FAM53A: variants seen among roughly 807,000 people sequenced by gnomAD.
FAM53A encodes protein FAM53A.
A neutral mutation model predicts 26.6 loss-of-function variants in FAM53A; 28 were observed. The observed-to-expected ratio is 1.05, with a 90% CI of 0.78 to 1.45. The LOEUF (loss-of-function observed/expected upper bound fraction) is 1.45, where lower values mean the gene tolerates loss of function less well. Ranked by LOEUF, FAM53A falls within the 40% of genes most tolerant of loss-of-function variation. The probability of loss-of-function intolerance (pLI) is 0.00; values close to 1 mark genes in which losing one functional copy is unlikely to be tolerated. For synonymous variants in FAM53A, 290 were observed against 253.1 expected (o/e 1.15, Z -1.38); for missense variants, 650 against 575.8 (o/e 1.13, Z -1.32).
At chr4:1,622,411 C>T (rs1715082517) in intron 1 of FAM53A, among the ~76,000 whole-genome samples, 1 of 152,238 alleles carries the variant, frequency 6.6e-6, no homozygotes, top group South Asian at 2.1e-4. Flanking sequence ...CTTTGTGGCC[C>T]CTCAGGCTTC....
At chr4:1,618,006 A>G (rs2108735935) in exon 2 of FAM53A, 1 of 456,320 alleles carries the variant, frequency 2.2e-6, no homozygotes, top group South Asian at 1.5e-5. Context: ...TGCTTGGCAT[A>G]GAGCCGACCA....
intron 1 of FAM53A, among the ~76,000 whole-genome samples, chr4:1,633,175 T>G (rs943401779): frequency 1.3e-5 from 2 of 152,206 alleles, no homozygotes; most frequent in Non-Finnish European, 2.9e-5. Context: ...GGTACACTCA[T>G]GCTCACACAC....
In FAM53A at chr4:1,630,386, A is replaced by C. The variant is rs1560118072; in HGVS notation, c.432-12275T>G. On this transcript the variant is annotated intron_variant, in intron 1 of 1. Transcript: ENST00000489029. This position sits in a 1 kb window ranked among gnomAD's most constrained non-coding sequence, Gnocchi z 4.3. ...AACAGCCACAGCCAAGGTCTACACAAATGCACGTCGGGGAGTTCCCATCAA... is the reference window on the plus strand; with the variant it reads ...AACAGCCACAGCCAAGGTCTACACACATGCACGTCGGGGAGTTCCCATCAA... 6.6e-6 allele frequency among the ~76,000 whole-genome samples: 1 copy of C among 152,184 alleles called. No individual in the cohort carries two copies. Among genetic ancestry groups the C allele is most frequent in the African/African-American group, 2.4e-5 (1 of 41,446 alleles).
chr4:1,598,610 C>T, the FAM53A span, among the ~76,000 whole-genome samples: 1 of 152,202 alleles, frequency 6.6e-6, no homozygotes, highest in Non-Finnish European at 1.5e-5. Context: ...AACGCACCCC[C>T]TCCCGGTTTG....
At chr4:1,612,611 G>A in the FAM53A span, among the ~76,000 whole-genome samples, 1 of 152,214 alleles carries the variant, frequency 6.6e-6, no homozygotes, top group Non-Finnish European at 1.5e-5. Flanking sequence ...AATGATACCT[G>A]CACAGATGCA....
At chr4:1,576,674 C>T in the FAM53A span, among the ~76,000 whole-genome samples, 5 of 152,338 alleles carry the variant, frequency 3.3e-5, no homozygotes, top group East Asian at 1.9e-4. Context: ...GAGGCGGCAG[C>T]GGTGGGCAGG....
downstream of FAM53A, among the ~76,000 whole-genome samples, chr4:1,615,580 C>T (rs1456819470): frequency 6.7e-6 from 1 of 149,610 alleles, no homozygotes; most frequent in African/African-American, 2.5e-5. Context: ...GCCCACCTCA[C>T]CTGGGCACGC....
At chr4:1,676,111 C>T (rs1715023767) in intron 1 of FAM53A, among the ~76,000 whole-genome samples, 1 of 152,268 alleles carries the variant, frequency 6.6e-6, no homozygotes, top group Non-Finnish European at 1.5e-5. Flanking sequence ...CATGAATTAG[C>T]TTCCTATAAC....
At chr4:1,641,743 C>T (rs1301394283) in intron 4 of FAM53A, 136 bp from the exon 5 acceptor site, 2 of 837,758 alleles carry the variant, frequency 2.4e-6, no homozygotes, top group Middle Eastern at 2.3e-4. Context: ...GGCCTTGGTC[C>T]CCTGTACACC....
At chr4:1,669,867 C>T (rs746875395) in intron 1 of FAM53A, among the ~76,000 whole-genome samples, 8 of 152,334 alleles carry the variant, frequency 5.3e-5, no homozygotes, top group Middle Eastern at 3.4e-3. Flanking sequence ...ACAGCAGTGA[C>T]GGAACGTCCA....
the FAM53A span, among the ~76,000 whole-genome samples, chr4:1,604,161 G>C: frequency 5.4e-3 from 824 of 152,342 alleles, 13 homozygotes; most frequent in African/African-American, 0.019. Context: ...TTCTGCCCCC[G>C]GGAAGGGGCT....
chr4:1,671,797 A>C (rs1714680493), intron 1 of FAM53A, among the ~76,000 whole-genome samples: 1 of 152,268 alleles, frequency 6.6e-6, no homozygotes, highest in African/African-American at 2.4e-5. Context: ...CTGATTGCAC[A>C]AAGCACACAC....
At chr4:1,623,767 G>A (rs1715160799) in intron 1 of FAM53A, among the ~76,000 whole-genome samples, 1 of 152,266 alleles carries the variant, frequency 6.6e-6, no homozygotes, top group South Asian at 2.1e-4. Context: ...CGGGGCGTCG[G>A]ACAGGGCTGC....
chr4:1,615,905 G>A (rs1714796282), downstream of FAM53A, among the ~76,000 whole-genome samples: 1 of 152,218 alleles, frequency 6.6e-6, no homozygotes, highest in Non-Finnish European at 1.5e-5. Context: ...GCTGGGCAGG[G>A]ATGGGCAAGG....
At chr4:1,599,879 G>A in the FAM53A span, among the ~76,000 whole-genome samples, 1 of 152,196 alleles carries the variant, frequency 6.6e-6, no homozygotes, top group Admixed American at 6.5e-5. The surrounding 1 kb of genome is among the most constrained non-coding windows in gnomAD (Gnocchi z 6.1). Context: ...GAGGGTGTGG[G>A]CTGCATGGCG....
Position 1,641,357 on chromosome 4 carries a change from C to T in FAM53A, c.1133G>A (p.Gly378Glu), listed in dbSNP as rs1711694438. ...SGDPRDGDSV[G>E]EEGVFPRARW... is the part of the protein sequence containing the mutation. The stretch of plus-strand genomic sequence containing the variant: ...GGCCCGGGGGAAGACGCCCTCCTCC[C>T]CGACACTGTCCCCATCACGGGGGTC... The change falls in exon 5 of 5, where the codon GGG becomes GAG. Residue 378 changes from glycine (G) to glutamate (E), a missense_variant. Transcript: ENST00000308132. The T allele has an allele frequency of 6.2e-7, 1 of 1,610,638 alleles. No homozygotes were observed. Among genetic ancestry groups the T allele is most frequent in the African/African-American group, 1.3e-5 (1 of 74,714 alleles).
chr4:1,588,035 T>C, the FAM53A span, among the ~76,000 whole-genome samples: 2 of 152,238 alleles, frequency 1.3e-5, no homozygotes, highest in East Asian at 3.8e-4. Context: ...TTCATTTGAA[T>C]TATATTTAAT....
At chr4:1,592,307 G>A in the FAM53A span, among the ~76,000 whole-genome samples, 1 of 152,136 alleles carries the variant, frequency 6.6e-6, no homozygotes, top group Non-Finnish European at 1.5e-5. Context: ...GTCCACACGC[G>A]GCCCCATCAG....
At chr4:1,587,886 T>C in the FAM53A span, among the ~76,000 whole-genome samples, 1 of 152,214 alleles carries the variant, frequency 6.6e-6, no homozygotes, top group Non-Finnish European at 1.5e-5. Context: ...AATGATTGTA[T>C]TTTAATTTAT....
Sources: gnomAD v4.1 joint callset for allele counts (sites outside exome capture counted in the v4.1 genomes callset) on GRCh38, gnomAD v4.1.1 for gene constraint, Gnocchi (gnomAD v3.1) non-coding constraint, MANE v1.5 for transcripts, NCBI Gene and HGNC (gene_info 2026-07-23, HGNC 2026-07-21) for gene names.